Variants in NSUN6 observed in about 807,000 individuals in gnomAD.
The protein encoded by NSUN6 is NOP2/Sun RNA methyltransferase 6.
In NSUN6, 64 loss-of-function variants were observed where a neutral mutation model predicts 58.0. The ratio of observed to expected loss-of-function variants is 1.10; its 90% CI spans 0.90 to 1.36. NSUN6 has a LOEUF of 1.36. Ranked by LOEUF, NSUN6 falls within the 40% of genes most tolerant of loss-of-function variation. The pLI, the probability that NSUN6 is intolerant of heterozygous loss-of-function variation, is 0.00. For missense variants in NSUN6, 701 were observed against 550.1 expected (o/e 1.27, Z -2.74); for synonymous variants, 231 against 193.9 (o/e 1.19, Z -1.59).
At chr10:18,563,350 A>G (rs969199452) in intron 8 of NSUN6, among the ~76,000 whole-genome samples, 1 of 151,164 alleles carries the variant, frequency 6.6e-6, no homozygotes, top group African/African-American at 2.4e-5. Flanking sequence ...TAGAATAGAG[A>G]ATGAACTAGA....
intron 8 of NSUN6, among the ~76,000 whole-genome samples, chr10:18,558,195 A>G (rs143766735): frequency 6.6e-6 from 1 of 151,136 alleles, no homozygotes; most frequent in African/African-American, 2.4e-5. Flanking sequence ...TGCACAGTGG[A>G]ATGCAATGGA....
intron 8 of NSUN6, among the ~76,000 whole-genome samples, chr10:18,554,665 CAATGGAGAATGGAATGG>C (rs2054852747): frequency 7.0e-6 from 1 of 143,318 alleles, no homozygotes; most frequent in South Asian, 2.2e-4. Flanking sequence ...GAATGGAATG[CAATGGAGAATGGAATGG>C]AATGCTGAAT....
intron 8 of NSUN6, among the ~76,000 whole-genome samples, chr10:18,559,064 G>A (rs1181139551): frequency 6.6e-6 from 1 of 151,110 alleles, no homozygotes; most frequent in African/African-American, 2.4e-5. Context: ...GGATGGTATG[G>A]AGAATGGAAT....
At chr10:18,650,575 C>T (rs957248772) in intron 1 of NSUN6, among the ~76,000 whole-genome samples, 3 of 152,152 alleles carry the variant, frequency 2.0e-5, no homozygotes, top group African/African-American at 7.2e-5. Context: ...TTGTTCATTA[C>T]ACCTGAACTC....
At chr10:18,558,896 ATGGAG>A (rs1230780935) in intron 8 of NSUN6, among the ~76,000 whole-genome samples, 1 of 151,138 alleles carries the variant, frequency 6.6e-6, no homozygotes, top group East Asian at 1.9e-4. Context: ...GGTGAATAGA[ATGGAG>A]TGAAGAATGG....
intron 3 of NSUN6, among the ~76,000 whole-genome samples, chr10:18,619,504 A>G (rs558663761): frequency 1.1e-3 from 168 of 151,820 alleles, no homozygotes; most frequent in African/African-American, 3.9e-3. Context: ...CATACCTTCA[A>G]CCCCCCAATA....
chr10:18,620,448 C>T (rs1398236257), intron 3 of NSUN6, among the ~76,000 whole-genome samples: 1 of 152,146 alleles, frequency 6.6e-6, no homozygotes, highest in Non-Finnish European at 1.5e-5. Context: ...AAAAAATCTT[C>T]ATACTTCATA....
intron 8 of NSUN6, among the ~76,000 whole-genome samples, chr10:18,555,688 GA>G (rs1255974233): frequency 2.2e-5 from 3 of 139,222 alleles, no homozygotes; most frequent in African/African-American, 7.9e-5. Context: ...ATGGAGAATG[GA>G]ATGGACAGTG....
At chr10:18,562,232 T>G (rs2055568334) in intron 8 of NSUN6, among the ~76,000 whole-genome samples, 1 of 148,034 alleles carries the variant, frequency 6.8e-6, no homozygotes, top group South Asian at 2.1e-4. Flanking sequence ...TGGAATGGAA[T>G]GGAGAATGGA....
chr10:18,570,413 C>T lies in NSUN6; in HGVS notation c.922+15536G>A, dbSNP rs937745076. Among the ~76,000 whole-genome samples the T allele has an allele frequency of 3.3e-5, 5 of 149,602 alleles. No homozygotes were observed. In the South Asian group the frequency reaches 1.1e-3, roughly 32 times the overall value. On this transcript the variant is annotated intron_variant, in intron 8 of 10. Coordinates refer to ENST00000377304, the MANE Select transcript of NSUN6 (RefSeq NM_182543.5). ...TACCATATTCCATTCCATTCCCTTC[C>T]ATTCTCCATTCCATTCTCCATTCCA...
chr10:18,655,236 A>G (rs1460271272), upstream of NSUN6: 1 of 718,054 alleles, frequency 1.4e-6, no homozygotes, highest in East Asian at 1.3e-4. Flanking sequence ...ATATGACTGA[A>G]GTTTAGCAGG....
At chr10:18,658,845 A>G (rs75229678), upstream of NSUN6, among the ~76,000 whole-genome samples, 23 of 152,214 alleles carry the variant, frequency 1.5e-4, no homozygotes, top group East Asian at 4.4e-3. Flanking sequence ...GCAATCGATC[A>G]ATCAATCAAT....
intron 3 of NSUN6, among the ~76,000 whole-genome samples, chr10:18,626,576 T>C (rs1276178169): frequency 2.6e-5 from 4 of 152,176 alleles, no homozygotes; most frequent in Non-Finnish European, 5.9e-5. Flanking sequence ...GAGACCAACC[T>C]GGCCAACATG....
intron 3 of NSUN6, among the ~76,000 whole-genome samples, chr10:18,631,061 A>G (rs1053706522): frequency 6.6e-6 from 1 of 152,138 alleles, no homozygotes; most frequent in African/African-American, 2.4e-5. Flanking sequence ...CACCATGATC[A>G]AGTGGGCTTC....
At chr10:18,621,441 A>G (rs4748499) in intron 3 of NSUN6, among the ~76,000 whole-genome samples, 32,017 of 152,180 alleles carry the variant, frequency 0.21, 3,713 homozygotes, top group South Asian at 0.31. Context: ...GGGGATCCAT[A>G]GACACCAGGA....
chr10:18,551,887 GC>G lies in NSUN6; in HGVS notation c.1006del (p.Ala336ProfsTer6), dbSNP rs2054626822. On this transcript the variant is annotated frameshift_variant, in exon 9 of 11. Transcript: ENST00000377304. LOFTEE classifies it high-confidence loss of function. ...CACTTCCTTCACAGACCAAGTACAG[GC>G]CATGTTTGGTCTCTGTCCCATTCCA... ...CSGMGQRPNMACTWSVKEVAS... is the reference protein window; with the variant it reads ...CSGMGQRPNMXCTWSVKEVAS... 6.2e-7 allele frequency: 1 copy of G among 1,611,880 alleles called. No individual in the cohort carries two copies. The highest frequency in any genetic ancestry group is 1.7e-5 in the Admixed American group (1 of 59,950).
intron 2 of NSUN6, among the ~76,000 whole-genome samples, chr10:18,647,230 A>AT (rs2059571451): frequency 6.6e-6 from 1 of 152,154 alleles, no homozygotes; most frequent in Non-Finnish European, 1.5e-5. Context: ...ATTTTCTGAA[A>AT]TTTTCTAAAT....
At chr10:18,651,824 G>A, upstream of NSUN6, 1 of 985,432 alleles carries the variant, frequency 1.0e-6, no homozygotes, top group South Asian at 4.7e-5. Context: ...AAGATATTTA[G>A]TTCCCGGTAC....
chr10:18,561,851 C>T (rs1439694142), intron 8 of NSUN6, among the ~76,000 whole-genome samples: 1 of 137,020 alleles, frequency 7.3e-6, no homozygotes, highest in Non-Finnish European at 1.6e-5. Context: ...TAGAATGAAA[C>T]GTAATGCAGG....
Sources: gnomAD v4.1 joint callset for allele counts (sites outside exome capture counted in the v4.1 genomes callset) on GRCh38, gnomAD v4.1.1 for gene constraint, MANE v1.5 for transcripts, NCBI Gene and HGNC (gene_info 2026-07-23, HGNC 2026-07-21) for gene names.